PIGN: variants seen among roughly 807,000 people sequenced by gnomAD.
The protein encoded by PIGN is GPI ethanolamine phosphate transferase 1.
PIGN carries 117 observed loss-of-function variants against 125.4 expected under a neutral mutation model. That is an observed-to-expected ratio of 0.93 (90% confidence interval 0.80 to 1.09). The LOEUF is 1.09. Ranked by LOEUF, PIGN falls within the 50% of genes least tolerant of loss-of-function variation. PIGN has a pLI of 0.00. For synonymous variants in PIGN, 392 were observed against 377.8 expected, an observed-to-expected ratio of 1.04 and a Z score of -0.44; for missense variants, 1,075 against 1,094.9, an observed-to-expected ratio of 0.98 and a Z score of 0.26.
chr18:62,135,239 T>C (rs897733840), intron 14 of PIGN, among the ~76,000 whole-genome samples: 1 of 152,220 alleles, frequency 6.6e-6, no homozygotes, highest in Admixed American at 6.5e-5. Context: ...AGAATTTTAA[T>C]GTTTTTAGGT....
intron 1 of PIGN, among the ~76,000 whole-genome samples, chr18:62,173,263 T>C (rs568804385): frequency 1.1e-4 from 16 of 152,342 alleles, no homozygotes; most frequent in Non-Finnish European, 5.9e-5. Context: ...TCTGTTTATT[T>C]ATTTTTGAGA....
chr18:62,030,480 A>G (rs2030181322), intron 23 of PIGN, among the ~76,000 whole-genome samples: 3 of 152,234 alleles, frequency 2.0e-5, no homozygotes, highest in Admixed American at 2.0e-4. Context: ...ATCCAGACAC[A>G]TAAATACCAG....
intron 1 of PIGN, among the ~76,000 whole-genome samples, chr18:62,168,020 C>T (rs924793896): frequency 2.0e-5 from 3 of 151,350 alleles, no homozygotes; most frequent in Admixed American, 6.6e-5. Flanking sequence ...AATGGAGAAA[C>T]CCTATCTCTA....
intron 30 of PIGN, among the ~76,000 whole-genome samples, chr18:62,068,924 A>C (rs559733511): frequency 9.4e-4 from 143 of 152,288 alleles, no homozygotes; most frequent in Middle Eastern, 6.8e-3. Flanking sequence ...TCAGAGAGAC[A>C]CCCTAAGTGT....
Position 62,057,580 on chromosome 18 carries a change from A to G in PIGN, c.2673-11601T>C, listed in dbSNP as rs114235593. ...TCCTTCTCCCTCTCTCGATCCCTCC[A>G]ATAGGTTCTTTACATTGTGGCCAGT... On this transcript the variant is annotated intron_variant, in intron 30 of 30. Transcript: ENST00000640252. Among the ~76,000 whole-genome samples, 147 of 152,334 alleles carry G rather than the reference A, an allele frequency of 9.6e-4. 1 individual carries two copies. The highest frequency in any genetic ancestry group is 3.4e-3 in the African/African-American group (143 of 41,576).
intron 15 of PIGN, 53 bp from the exon 16 acceptor site, chr18:62,113,369 C>CATTTTAAAGAA (rs1488817780): frequency 9.3e-6 from 13 of 1,394,226 alleles, no homozygotes; most frequent in Non-Finnish European, 1.3e-5. Context: ...AGAAAACCTA[C>CATTTTAAAGAA]ATTTTAAAGA....
intron 11 of PIGN, among the ~76,000 whole-genome samples, chr18:62,141,025 T>C (rs962562816): frequency 6.6e-6 from 1 of 152,186 alleles, no homozygotes; most frequent in Non-Finnish European, 1.5e-5. Flanking sequence ...CTATCTTCGC[T>C]TCCTCACCTT....
At chr18:62,109,213 T>C (rs1206457197) in intron 17 of PIGN, among the ~76,000 whole-genome samples, 4 of 152,184 alleles carry the variant, frequency 2.6e-5, no homozygotes, top group African/African-American at 9.7e-5. Flanking sequence ...TTAAAAGTGT[T>C]TGAAACTCAC....
intron 23 of PIGN, among the ~76,000 whole-genome samples, chr18:62,029,627 A>G (rs1175174408): frequency 2.0e-5 from 3 of 152,234 alleles, no homozygotes; most frequent in African/African-American, 7.2e-5. Context: ...GAGTAAAGCC[A>G]GAACTTCCAA....
At chr18:62,102,298 T>G (rs2034476610) in intron 21 of PIGN, among the ~76,000 whole-genome samples, 1 of 145,858 alleles carries the variant, frequency 6.9e-6, no homozygotes, top group African/African-American at 2.6e-5. Context: ...ACCCATCTAG[T>G]ATGCAGCGTA....
At chr18:62,087,985 A>G (rs569519235) in intron 25 of PIGN, among the ~76,000 whole-genome samples, 1 of 152,282 alleles carries the variant, frequency 6.6e-6, no homozygotes, top group African/African-American at 2.4e-5. Context: ...GTATACTTGA[A>G]ATGCGCTAAG....
chr18:62,030,135 G>A (rs2030175187), intron 23 of PIGN, among the ~76,000 whole-genome samples: 1 of 152,224 alleles, frequency 6.6e-6, no homozygotes, highest in Non-Finnish European at 1.5e-5. Flanking sequence ...TTATAAGCCA[G>A]AATGTCGGTT....
intron 23 of PIGN, among the ~76,000 whole-genome samples, chr18:62,030,613 T>G (rs1426623079): frequency 6.6e-6 from 1 of 152,176 alleles, no homozygotes; most frequent in East Asian, 1.9e-4. Flanking sequence ...AACTCCACCT[T>G]TAGGTTTATG....
intron 14 of PIGN, among the ~76,000 whole-genome samples, chr18:62,133,802 G>T (rs1444930192): frequency 1.3e-5 from 2 of 152,052 alleles, no homozygotes; most frequent in Non-Finnish European, 2.9e-5. Context: ...TTAAAAATAA[G>T]TTTTATCAAA....
At chr18:62,122,406 TA>T (rs982027726) in intron 14 of PIGN, among the ~76,000 whole-genome samples, 26 of 152,272 alleles carry the variant, frequency 1.7e-4, no homozygotes, top group South Asian at 6.2e-4. Flanking sequence ...TTTCAATTAA[TA>T]TTTTTTTTAT....
chr18:62,110,102 A>G, intron 16 of PIGN, 129 bp from the exon 17 acceptor site: 1 of 767,562 alleles, frequency 1.3e-6, no homozygotes, highest in Middle Eastern at 3.6e-4. Context: ...ATGATTAATC[A>G]AAGAGCTGCA....
At chr18:62,086,051 A>G (rs2033682590) in intron 25 of PIGN, among the ~76,000 whole-genome samples, 1 of 152,236 alleles carries the variant, frequency 6.6e-6, no homozygotes, top group South Asian at 2.1e-4. Flanking sequence ...GATTCAACGA[A>G]TCATCTAAGC....
At chr18:62,071,819 A>G (rs1425012487) in intron 30 of PIGN, among the ~76,000 whole-genome samples, 1 of 143,978 alleles carries the variant, frequency 6.9e-6, no homozygotes, top group East Asian at 2.1e-4. Flanking sequence ...ATCTACATTT[A>G]CTATACCATA....
intron 14 of PIGN, among the ~76,000 whole-genome samples, chr18:62,117,056 T>C (rs2035113474): frequency 6.6e-6 from 1 of 152,098 alleles, no homozygotes; most frequent in South Asian, 2.1e-4. Flanking sequence ...TTTTCCTAAA[T>C]GCACTATTTA....
Sources: allele counts gnomAD v4.1 joint callset (sites outside exome capture counted in the v4.1 genomes callset), GRCh38; gene constraint gnomAD v4.1.1; transcripts MANE v1.5; gene names NCBI Gene and HGNC (gene_info 2026-07-23, HGNC 2026-07-21).